SLCO3A1: variants seen among roughly 807,000 people sequenced by gnomAD.
The protein encoded by SLCO3A1 is solute carrier organic anion transporter family member 3A1, also known as PGE1 transporter.
A neutral mutation model predicts 63.1 loss-of-function variants in SLCO3A1; 27 were observed. The observed-to-expected ratio is 0.43, with a 90% CI of 0.32 to 0.59. SLCO3A1 has a LOEUF of 0.59. SLCO3A1 is among the 20% of genes least tolerant of loss of function. The pLI is 0.09. For synonymous variants in SLCO3A1, 473 were observed against 409.9 expected, an observed-to-expected ratio of 1.15 and a Z score of -1.86; for missense variants, 773 against 945.8, an observed-to-expected ratio of 0.82 and a Z score of 2.40.
chr15:92,169,990 T>C (rs1417368403), downstream of SLCO3A1, among the ~76,000 whole-genome samples: 1 of 152,218 alleles, frequency 6.6e-6, no homozygotes, highest in Non-Finnish European at 1.5e-5. Flanking sequence ...ATTTTGAATT[T>C]TTGTCCCGTA....
intron 1 of SLCO3A1, among the ~76,000 whole-genome samples, chr15:91,880,386 T>G (rs909234929): frequency 7.3e-6 from 1 of 136,498 alleles, no homozygotes; most frequent in African/African-American, 3.2e-5. Context: ...CGTGCTTCTC[T>G]CTCTCTCTCT....
intron 2 of SLCO3A1, among the ~76,000 whole-genome samples, chr15:91,923,304 G>T (rs1037058310): frequency 6.6e-6 from 1 of 152,172 alleles, no homozygotes; most frequent in African/African-American, 2.4e-5. Flanking sequence ...CTGTTTAAAC[G>T]CAGGAGCAGA....
chr15:91,944,625 G>A (rs1899738515), intron 2 of SLCO3A1, among the ~76,000 whole-genome samples: 1 of 152,154 alleles, frequency 6.6e-6, no homozygotes, highest in African/African-American at 2.4e-5. Context: ...AGTCCTGGAG[G>A]GTTTGCATCT....
chr15:92,007,580 T>C (rs1472406944), intron 2 of SLCO3A1, among the ~76,000 whole-genome samples: 2 of 152,132 alleles, frequency 1.3e-5, no homozygotes, highest in Non-Finnish European at 2.9e-5. Flanking sequence ...TAGAATGGCC[T>C]TGCATAGGAA....
At chr15:92,112,761 C>T (rs138440548) in intron 4 of SLCO3A1, among the ~76,000 whole-genome samples, 3 of 152,246 alleles carry the variant, frequency 2.0e-5, no homozygotes, top group South Asian at 2.1e-4. Context: ...GATATCTTAG[C>T]GCATGAAGGC....
chr15:92,012,522 G>A (rs1367000905), intron 2 of SLCO3A1, among the ~76,000 whole-genome samples: 2 of 152,132 alleles, frequency 1.3e-5, no homozygotes, highest in Non-Finnish European at 2.9e-5. Flanking sequence ...TGTGGAAAGT[G>A]TCCCCTTCCC....
chr15:91,959,136 G>A (rs772485403), intron 2 of SLCO3A1, among the ~76,000 whole-genome samples: 6 of 152,144 alleles, frequency 3.9e-5, no homozygotes, highest in Non-Finnish European at 5.9e-5. Flanking sequence ...GGATGGAGCT[G>A]GAGGCTGTTA....
chr15:92,116,935 G>T (rs929505744), intron 4 of SLCO3A1, among the ~76,000 whole-genome samples: 1 of 152,272 alleles, frequency 6.6e-6, no homozygotes, highest in African/African-American at 2.4e-5. Context: ...GCCCACTAAG[G>T]CTTCCTCAAG....
At chr15:92,042,833 A>G (rs139778346) in intron 2 of SLCO3A1, among the ~76,000 whole-genome samples, 259 of 152,190 alleles carry the variant, frequency 1.7e-3, no homozygotes, top group African/African-American at 6.0e-3. Context: ...TAAAAAGTTG[A>G]TGTCGTGTTT....
intron 2 of SLCO3A1, among the ~76,000 whole-genome samples, chr15:91,969,747 C>T (rs765818855): frequency 6.6e-6 from 1 of 152,240 alleles, no homozygotes; most frequent in African/African-American, 2.4e-5. Context: ...CTTATGGGCT[C>T]ACCCTTATAT....
At chr15:92,103,391 G>A (rs2047629115) in intron 3 of SLCO3A1, among the ~76,000 whole-genome samples, 1 of 152,160 alleles carries the variant, frequency 6.6e-6, no homozygotes, top group African/African-American at 2.4e-5. Context: ...TTGTGACTTA[G>A]CTGGCACAAT....
At chr15:91,971,814 C>T (rs1597173228) in intron 2 of SLCO3A1, among the ~76,000 whole-genome samples, 1 of 80,520 alleles carries the variant, frequency 1.2e-5, no homozygotes, top group Admixed American at 1.2e-4. Flanking sequence ...GCAGCAGTGG[C>T]TCCGTATTCA....
rs1898508009 is a variant in SLCO3A1, at chr15:91,912,173, T to C, written c.181-3820T>C. ...CCATTAAGTAAAGGCAGTCATTCCC[T>C]TCCACATGCTCTTCCTCAGGCTGGG... On this transcript the variant is annotated intron_variant, in intron 1 of 9. Transcript: ENST00000318445. The surrounding 1 kb of genome is among the most constrained non-coding windows in gnomAD (Gnocchi z 5.0). Among the ~76,000 whole-genome samples, 1 of 152,210 alleles carries C rather than the reference T, an allele frequency of 6.6e-6. No individual in the cohort carries two copies. The highest frequency in any genetic ancestry group is 2.4e-5 in the African/African-American group (1 of 41,456).
chr15:92,100,332 G>T (rs1482834762), intron 3 of SLCO3A1, among the ~76,000 whole-genome samples: 1 of 152,178 alleles, frequency 6.6e-6, no homozygotes, highest in Admixed American at 6.5e-5. Context: ...CTTGATGAGG[G>T]AGTTGAGCCT....
In SLCO3A1 at chr15:91,872,847, C is replaced by T. The variant is rs1427185810; in HGVS notation, c.180+18759C>T. 6.6e-6 allele frequency among the ~76,000 whole-genome samples: 1 copy of T among 152,202 alleles called. No individual in the cohort carries two copies. The highest frequency in any genetic ancestry group is 1.5e-5 in the Non-Finnish European group (1 of 68,040). ...TCACCAGGGCCAGAGAATCTGTTCT[C>T]TGTTCCCTTCCTCCCCTTTAGGGCA... On this transcript the variant is annotated intron_variant, in intron 1 of 9. Transcript: ENST00000318445. The surrounding 1 kb of genome is among the most constrained non-coding windows in gnomAD (Gnocchi z 4.1).
Position 92,060,486 on chromosome 15 carries a change from G to A in SLCO3A1, c.647-34395G>A, listed in dbSNP as rs573546310. On this transcript the variant is annotated intron_variant, in intron 2 of 9. Coordinates refer to ENST00000318445, the MANE Select transcript of SLCO3A1 (RefSeq NM_013272.4). ...GAGGCACGCTTGAACCTGGGAGGCA[G>A]AGGTTGCAGTGAGCCGAGTTTTTTT... is the stretch of plus-strand genomic sequence containing the variant. Among the ~76,000 whole-genome samples the A allele has an allele frequency of 1.0e-3, 158 of 151,662 alleles. 1 individual carries two copies. Among genetic ancestry groups the A allele is most frequent in the Non-Finnish European group, 1.8e-3 (119 of 67,968 alleles).
intron 2 of SLCO3A1, among the ~76,000 whole-genome samples, chr15:92,054,547 A>C (rs1205240631): frequency 6.6e-6 from 1 of 152,034 alleles, no homozygotes; most frequent in East Asian, 1.9e-4. Context: ...GCACCTGTCA[A>C]CCCATCCCCT....
At chr15:91,935,370 C>G (rs1899374342) in intron 2 of SLCO3A1, among the ~76,000 whole-genome samples, 4 of 152,116 alleles carry the variant, frequency 2.6e-5, no homozygotes, top group Admixed American at 2.0e-4. Context: ...TAATTCTCCT[C>G]CATTGAGGAA....
intron 2 of SLCO3A1, among the ~76,000 whole-genome samples, chr15:92,020,514 C>T (rs1206231861): frequency 6.6e-6 from 1 of 152,236 alleles, no homozygotes; most frequent in Non-Finnish European, 1.5e-5. Flanking sequence ...CATTGAAAAT[C>T]AATCCATTTT....
Sources: gnomAD v4.1 joint callset for allele counts (sites outside exome capture counted in the v4.1 genomes callset) on GRCh38, gnomAD v4.1.1 for gene constraint, Gnocchi (gnomAD v3.1) non-coding constraint, MANE v1.5 for transcripts, NCBI Gene and HGNC (gene_info 2026-07-23, HGNC 2026-07-21) for gene names.